Variants in PLEKHA5 observed in about 807,000 individuals in gnomAD.
The protein encoded by PLEKHA5 is pleckstrin homology domain containing A5.
PLEKHA5 carries 55 observed loss-of-function variants against 181.9 expected under a neutral mutation model. The observed-to-expected ratio is 0.30, with a 90% CI of 0.24 to 0.38. The LOEUF (loss-of-function observed/expected upper bound fraction) is 0.38, where lower values mean the gene tolerates loss of function less well. PLEKHA5 is among the 10% of genes least tolerant of loss of function. The pLI, the probability that PLEKHA5 is intolerant of heterozygous loss-of-function variation, is 1.00. For missense variants in PLEKHA5, 1,432 were observed against 1,549.5 expected, an observed-to-expected ratio of 0.92 and a Z score of 1.27; for synonymous variants, 535 against 529.4, an observed-to-expected ratio of 1.01 and a Z score of -0.15.
At chr12:19,322,461 A>C (rs372573175) in intron 19 of PLEKHA5, 57 bp from the exon 20 acceptor site, 13 of 1,587,676 alleles carry the variant, frequency 8.2e-6, no homozygotes, top group East Asian at 4.5e-5. Context: ...ACTGATAAGT[A>C]AAAAGAATTA....
At chr12:19,161,797 T>C (rs1288822531) in intron 3 of PLEKHA5, among the ~76,000 whole-genome samples, 2 of 152,180 alleles carry the variant, frequency 1.3e-5, no homozygotes, top group Non-Finnish European at 2.9e-5. Flanking sequence ...CAAAAACTTT[T>C]TGGCATTGAA....
At chr12:19,337,564 A>G (rs986062971) in intron 21 of PLEKHA5, among the ~76,000 whole-genome samples, 12 of 151,588 alleles carry the variant, frequency 7.9e-5, no homozygotes, top group African/African-American at 1.7e-4. Context: ...AAAAAAAAAA[A>G]AAAAAGAAAT....
chr12:19,219,072 T>A (rs563004528), intron 3 of PLEKHA5, among the ~76,000 whole-genome samples: 21 of 152,068 alleles, frequency 1.4e-4, no homozygotes, highest in Admixed American at 3.3e-4. Flanking sequence ...ACTGCGCTGG[T>A]CCACTTATAT....
At chr12:19,285,042 A>G (rs904192540) in intron 12 of PLEKHA5, among the ~76,000 whole-genome samples, 3 of 152,198 alleles carry the variant, frequency 2.0e-5, no homozygotes, top group African/African-American at 7.2e-5. Flanking sequence ...CATTTGCTTG[A>G]TATTTCCATA....
chr12:19,232,812 A>C (rs1038045542), intron 3 of PLEKHA5, among the ~76,000 whole-genome samples: 1 of 152,186 alleles, frequency 6.6e-6, no homozygotes, highest in Non-Finnish European at 1.5e-5. Context: ...AGTGGATGAA[A>C]AATATCTGAA....
intron 3 of PLEKHA5, among the ~76,000 whole-genome samples, chr12:19,246,774 T>A (rs765790262): frequency 6.6e-6 from 1 of 152,200 alleles, no homozygotes; most frequent in Non-Finnish European, 1.5e-5. Context: ...GGTTTTGGTC[T>A]TATTGGATAA....
intron 3 of PLEKHA5, among the ~76,000 whole-genome samples, chr12:19,209,493 A>T (rs2056459515): frequency 6.6e-6 from 1 of 152,214 alleles, no homozygotes; most frequent in Non-Finnish European, 1.5e-5. Context: ...CTGACTGAAA[A>T]ATTAGTTGAG....
chr12:19,331,996 T>TG, intron 20 of PLEKHA5, among the ~76,000 whole-genome samples: 1 of 151,960 alleles, frequency 6.6e-6, no homozygotes, highest in South Asian at 2.1e-4. Context: ...CCAGCCCAGG[T>TG]GACAGAGTAA....
rs903436003 is a variant in PLEKHA5 at position 19,199,005 on chromosome 12, C to A, written c.228-54935C>A. On this transcript the variant is annotated intron_variant, in intron 3 of 31. Transcript: ENST00000429027. ...AAACATTGTCTATAGCAAAAGACAG[C>A]TTGAATGCCAAAATAATGTATAATT... is the stretch of plus-strand genomic sequence containing the variant. 2.6e-5 allele frequency among the ~76,000 whole-genome samples: 4 copies of A among 152,034 alleles called. No homozygotes were observed. The East Asian group carries it at 7.7e-4, about 29-fold the overall frequency.
chr12:19,252,684 A>C (rs1469811345), intron 3 of PLEKHA5, among the ~76,000 whole-genome samples: 2 of 152,104 alleles, frequency 1.3e-5, no homozygotes, highest in Non-Finnish European at 2.9e-5. Context: ...TGTTGTTTCC[A>C]CATTTCATTT....
chr12:19,251,053 A>G (rs1258500195), intron 3 of PLEKHA5, among the ~76,000 whole-genome samples: 2 of 152,162 alleles, frequency 1.3e-5, no homozygotes, highest in Non-Finnish European at 2.9e-5. Context: ...TGAGTGTTGA[A>G]AGGGTTTCAG....
At chr12:19,146,882 A>T (rs1224773535) in intron 3 of PLEKHA5, among the ~76,000 whole-genome samples, 1 of 152,176 alleles carries the variant, frequency 6.6e-6, no homozygotes, top group Non-Finnish European at 1.5e-5. Flanking sequence ...GATAAAATTG[A>T]TACTGTTATA....
chr12:19,172,532 C>T (rs2046151329), intron 3 of PLEKHA5, among the ~76,000 whole-genome samples: 6 of 152,140 alleles, frequency 3.9e-5, no homozygotes, highest in Admixed American at 3.9e-4. Context: ...TGAAAATCTG[C>T]GCAACATCAG....
intron 3 of PLEKHA5, among the ~76,000 whole-genome samples, chr12:19,245,588 C>A (rs1296942726): frequency 6.6e-6 from 1 of 151,558 alleles, no homozygotes. Context: ...ATTAGCCGGG[C>A]GTGGTGGCAG....
intron 3 of PLEKHA5, among the ~76,000 whole-genome samples, chr12:19,226,307 G>A (rs1294525584): frequency 4.6e-5 from 7 of 152,102 alleles, no homozygotes; most frequent in African/African-American, 9.7e-5. Context: ...TCCATCATTT[G>A]TAAATGCTAC....
intron 21 of PLEKHA5, among the ~76,000 whole-genome samples, chr12:19,341,367 C>T (rs1402131689): frequency 1.3e-5 from 2 of 152,004 alleles, no homozygotes; most frequent in South Asian, 2.1e-4. Flanking sequence ...CATTGTATAC[C>T]GTTTCAGATT....
At chr12:19,189,769 G>T (rs1227010244) in intron 3 of PLEKHA5, among the ~76,000 whole-genome samples, 1 of 152,092 alleles carries the variant, frequency 6.6e-6, no homozygotes, top group Non-Finnish European at 1.5e-5. Flanking sequence ...CAATGATAAG[G>T]ACTAGGGTGA....
At chr12:19,281,126 C>A (rs1444801554) in intron 11 of PLEKHA5, among the ~76,000 whole-genome samples, 1 of 151,568 alleles carries the variant, frequency 6.6e-6, no homozygotes, top group Non-Finnish European at 1.5e-5. Context: ...GTCCTAGCTA[C>A]TTAGGAGGCT....
At chr12:19,348,855 G>A (rs535596725) in intron 25 of PLEKHA5, among the ~76,000 whole-genome samples, 3 of 152,096 alleles carry the variant, frequency 2.0e-5, no homozygotes, top group Non-Finnish European at 2.9e-5. Context: ...CCAGTTACCC[G>A]GGAGGCTGAG....
Sources: gnomAD v4.1 joint callset for allele counts (sites outside exome capture counted in the v4.1 genomes callset) on GRCh38, gnomAD v4.1.1 for gene constraint, MANE v1.5 for transcripts, NCBI Gene and HGNC (gene_info 2026-07-23, HGNC 2026-07-21) for gene names.